Variants in AGBL4 observed in about 807,000 individuals in gnomAD.
AGBL4 encodes AGBL carboxypeptidase 4.
In AGBL4, 58 loss-of-function variants were observed where a neutral mutation model predicts 66.4. The observed-to-expected ratio is 0.87, with a 90% CI of 0.71 to 1.09. AGBL4 has a LOEUF of 1.09. Ranked by LOEUF, AGBL4 falls within the 50% of genes least tolerant of loss-of-function variation. The pLI is 0.00. For synonymous variants in AGBL4, 234 were observed against 222.9 expected (o/e 1.05, Z -0.44); for missense variants, 579 against 631.0 (o/e 0.92, Z 0.88).
intron 2 of AGBL4, among the ~76,000 whole-genome samples, chr1:49,732,299 T>C (rs1017611620): frequency 6.6e-6 from 1 of 151,618 alleles, no homozygotes; most frequent in African/African-American, 2.4e-5. Context: ...CATAGGAAAA[T>C]AAAAAAGGTC....
intron 11 of AGBL4, among the ~76,000 whole-genome samples, chr1:48,540,753 T>C (rs1025316406): frequency 1.3e-5 from 2 of 152,124 alleles, no homozygotes; most frequent in South Asian, 4.1e-4. Context: ...CTAACCCTTC[T>C]CCAAGACACC....
chr1:49,316,562 TGTC>T (rs1645043036), intron 3 of AGBL4, among the ~76,000 whole-genome samples: 1 of 151,784 alleles, frequency 6.6e-6, no homozygotes, highest in African/African-American at 2.4e-5. Flanking sequence ...AACTATAAAT[TGTC>T]ATTACTCTTA....
At chr1:48,961,083 G>GTGTGTGTGTA (rs1235099835) in intron 5 of AGBL4, among the ~76,000 whole-genome samples, 4 of 136,900 alleles carry the variant, frequency 2.9e-5, no homozygotes, top group Middle Eastern at 3.6e-3. Context: ...AGTCTGGGGT[G>GTGTGTGTGTA]TGTGTGTGTG....
At chr1:49,761,887 T>C (rs1368876927) in intron 2 of AGBL4, among the ~76,000 whole-genome samples, 1 of 152,204 alleles carries the variant, frequency 6.6e-6, no homozygotes, top group Non-Finnish European at 1.5e-5. Context: ...CTGGTGCCCA[T>C]TGTTCTACTC....
chr1:49,948,145 T>C lies in AGBL4; in HGVS notation c.34+75618A>G, dbSNP rs1434708273. ...AAATATATATAAATATATGTAAATA[T>C]ATATAAATATACGTAAATATATAAA... On this transcript the variant is annotated intron_variant, in intron 1 of 13. Coordinates refer to ENST00000371839, the MANE Select transcript of AGBL4 (RefSeq NM_032785.4). 6.8e-5 allele frequency among the ~76,000 whole-genome samples: 7 copies of C among 103,452 alleles called. No homozygotes were observed. In the East Asian group the frequency reaches 1.3e-3, roughly 19 times the overall value. 67.9% of individuals were successfully genotyped at this position (103,452 alleles called of 152,430 possible).
At chr1:48,883,138 G>A (rs550991516) in intron 5 of AGBL4, among the ~76,000 whole-genome samples, 89 of 152,256 alleles carry the variant, frequency 5.8e-4, no homozygotes, top group Non-Finnish European at 1.1e-3. Flanking sequence ...ACCCAGAAAT[G>A]GAATTGCTGG....
chr1:49,338,331 T>G (rs1334450323), intron 3 of AGBL4, among the ~76,000 whole-genome samples: 14 of 152,228 alleles, frequency 9.2e-5, no homozygotes, highest in Non-Finnish European at 1.8e-4. Context: ...AAAATTTACT[T>G]ATTAAGATAG....
At chr1:49,306,840 G>C (rs1474188894) in intron 3 of AGBL4, among the ~76,000 whole-genome samples, 1 of 152,116 alleles carries the variant, frequency 6.6e-6, no homozygotes, top group Non-Finnish European at 1.5e-5. Context: ...TGTTGTCTCT[G>C]GTGTCATGAA....
intron 2 of AGBL4, among the ~76,000 whole-genome samples, chr1:49,748,375 T>C (rs1281332880): frequency 1.3e-5 from 2 of 152,206 alleles, no homozygotes; most frequent in Non-Finnish European, 2.9e-5. Context: ...TATTCCATGA[T>C]GTATATGTGC....
chr1:48,989,916 C>T (rs765982249), intron 5 of AGBL4, among the ~76,000 whole-genome samples: 4 of 152,142 alleles, frequency 2.6e-5, no homozygotes, highest in Non-Finnish European at 5.9e-5. Flanking sequence ...ATTGCTGGAT[C>T]ATATGGTAGC....
chr1:49,976,220 T>A (rs1463202617), intron 1 of AGBL4, among the ~76,000 whole-genome samples: 1 of 152,236 alleles, frequency 6.6e-6, no homozygotes. Context: ...TTTTTGTTCA[T>A]TCATTCTTTC....
chr1:49,777,316 G>A (rs1359932743), intron 2 of AGBL4, among the ~76,000 whole-genome samples: 1 of 152,042 alleles, frequency 6.6e-6, no homozygotes, highest in Admixed American at 6.5e-5. Context: ...CAGTACTTTT[G>A]TAGAAATGCA....
At chr1:49,845,926 T>C (rs1389379214) in intron 2 of AGBL4, 3 of 1,469,846 alleles carry the variant, frequency 2.0e-6, no homozygotes, top group Middle Eastern at 1.7e-4. Context: ...ACAAATGCAA[T>C]GACTGCAGCA....
At chr1:49,729,040 C>T (rs986055247) in intron 2 of AGBL4, among the ~76,000 whole-genome samples, 4 of 152,132 alleles carry the variant, frequency 2.6e-5, no homozygotes, top group Admixed American at 2.6e-4. Flanking sequence ...TGCACACAAT[C>T]ATGAACCGGG....
chr1:49,458,904 T>G (rs1254315969), intron 3 of AGBL4, among the ~76,000 whole-genome samples: 3 of 151,880 alleles, frequency 2.0e-5, no homozygotes, highest in African/African-American at 7.2e-5. Flanking sequence ...ATCCCTGGTA[T>G]GAAAGCCACT....
intron 3 of AGBL4, among the ~76,000 whole-genome samples, chr1:49,588,000 A>T (rs1455981228): frequency 6.6e-6 from 1 of 152,070 alleles, no homozygotes; most frequent in Non-Finnish European, 1.5e-5. Flanking sequence ...TCTCTCAATG[A>T]TTCCCTCACC....
chr1:49,049,846 A>C (rs1243346116), intron 4 of AGBL4, among the ~76,000 whole-genome samples: 1 of 151,992 alleles, frequency 6.6e-6, no homozygotes, highest in African/African-American at 2.4e-5. Context: ...AATAATAATA[A>C]TAATTATTAT....
chr1:49,673,266 T>C (rs964808931), intron 3 of AGBL4, among the ~76,000 whole-genome samples: 31 of 152,326 alleles, frequency 2.0e-4, no homozygotes, highest in African/African-American at 6.7e-4. Flanking sequence ...TCTTAATTAT[T>C]GTAAACAGTG....
At chr1:49,849,543 C>T (rs1646254657) in intron 2 of AGBL4, among the ~76,000 whole-genome samples, 1 of 151,440 alleles carries the variant, frequency 6.6e-6, no homozygotes. Flanking sequence ...GGTATCATCC[C>T]TCAATAAAAT....
Sources: gnomAD v4.1 joint callset for allele counts (sites outside exome capture counted in the v4.1 genomes callset) on GRCh38, gnomAD v4.1.1 for gene constraint, MANE v1.5 for transcripts, NCBI Gene and HGNC (gene_info 2026-07-23, HGNC 2026-07-21) for gene names.